PHC2: variants seen among roughly 807,000 people sequenced by gnomAD.
PHC2 encodes polyhomeotic homolog 2.
A neutral mutation model predicts 87.4 loss-of-function variants in PHC2; 29 were observed. That is an observed-to-expected ratio of 0.33 (90% CI 0.25 to 0.45). The LOEUF (loss-of-function observed/expected upper bound fraction) is 0.45. PHC2 is among the 20% of genes least tolerant of loss of function. The pLI is 1.00. For synonymous variants in PHC2, 438 were observed against 461.7 expected (o/e 0.95, Z 0.66); for missense variants, 857 against 1,136.7 (o/e 0.75, Z 3.54).
At chr1:33,366,662 G>A (rs139039445) in intron 7 of PHC2, among the ~76,000 whole-genome samples, 1 of 152,302 alleles carries the variant, frequency 6.6e-6, no homozygotes, top group African/African-American at 2.4e-5. Context: ...AACATGATTG[G>A]CAAATACTAA....
At chr1:33,355,975 C>T (rs1219890206) in intron 7 of PHC2, among the ~76,000 whole-genome samples, 1 of 152,152 alleles carries the variant, frequency 6.6e-6, no homozygotes, top group Non-Finnish European at 1.5e-5. Flanking sequence ...TGGTCATATT[C>T]AGTCATTTCT....
intron 9 of PHC2, among the ~76,000 whole-genome samples, chr1:33,352,353 T>C (rs1487011929): frequency 6.6e-6 from 1 of 152,190 alleles, no homozygotes; most frequent in Non-Finnish European, 1.5e-5. Flanking sequence ...AGAATTCAGA[T>C]AGAAAAGATT....
At chr1:33,357,612 C>T (rs1328475262) in intron 7 of PHC2, among the ~76,000 whole-genome samples, 1 of 152,120 alleles carries the variant, frequency 6.6e-6, no homozygotes, top group South Asian at 2.1e-4. Context: ...GATGGCGGAA[C>T]CTTTGTGGAA....
intron 9 of PHC2, chr1:33,335,368 G>T: frequency 1.0e-6 from 1 of 985,090 alleles, no homozygotes; most frequent in Non-Finnish European, 1.2e-6. Context: ...TCCTAAAAAA[G>T]AAAAGAAAAA....
chr1:33,365,866 C>T (rs1013427459), intron 7 of PHC2, among the ~76,000 whole-genome samples: 2 of 139,718 alleles, frequency 1.4e-5, no homozygotes, highest in African/African-American at 6.5e-5. Context: ...TGGGAACCTT[C>T]CCCACTCTGT....
chr1:33,416,584 G>GAAAAAAAAA (rs61591207), intron 1 of PHC2, among the ~76,000 whole-genome samples: 11 of 115,832 alleles, frequency 9.5e-5, no homozygotes, highest in South Asian at 2.8e-4. Flanking sequence ...TCAAAAAAAA[G>GAAAAAAAAA]AAAAAAAAAA....
chr1:33,399,826 G>C (rs1252067255), intron 1 of PHC2, among the ~76,000 whole-genome samples: 1 of 151,740 alleles, frequency 6.6e-6, no homozygotes, highest in Non-Finnish European at 1.5e-5. Flanking sequence ...AGGGTTGGGG[G>C]AGCTTTAAAA....
chr1:33,334,016 T>C lies in PHC2; in HGVS notation c.1761+74A>G. The C allele has an allele frequency of 7.5e-7, 1 of 1,328,722 alleles. No homozygotes were observed. Among genetic ancestry groups the C allele is most frequent in the Non-Finnish European group, 1.1e-6 (1 of 950,838 alleles). The allele number at this position is 1,328,722 out of a possible 1,614,324, so 82.3% of individuals were successfully genotyped here. On this transcript the variant is annotated intron_variant, in intron 10 of 14. Transcript: ENST00000683057. The surrounding 1 kb of genome is among the most constrained non-coding windows in gnomAD (Gnocchi z 5.5). ...TGTTCACATTTTCAGAAATTTTACA[T>C]GGAAATGTAAAAATATTCTAAGACA...
intron 4 of PHC2, among the ~76,000 whole-genome samples, 185 bp downstream of exon 4, chr1:33,370,832 A>G (rs967660126): frequency 6.6e-6 from 1 of 151,936 alleles, no homozygotes; most frequent in African/African-American, 2.4e-5. Context: ...CACTGGGAGG[A>G]TGACAGGGAG....
chr1:33,349,294 G>T lies in PHC2; in HGVS notation c.1558+5107C>A. On this transcript the variant is annotated intron_variant, in intron 9 of 14. Coordinates refer to ENST00000683057, the MANE Select transcript of PHC2 (RefSeq NM_001385109.1). The surrounding 1 kb of genome is among the most constrained non-coding windows in gnomAD (Gnocchi z 4.2). Reference sequence around the variant, plus strand: ...CGTCCCAGGGAAGTCGCAGCGGCGGGGAGGCCGGTCCTAGGTTGGGGCTGG... The same window carrying T: ...CGTCCCAGGGAAGTCGCAGCGGCGGTGAGGCCGGTCCTAGGTTGGGGCTGG... 3 of 985,448 alleles carry T rather than the reference G, an allele frequency of 3.0e-6. No homozygotes were observed. Among genetic ancestry groups the T allele is most frequent in the Non-Finnish European group, 3.6e-6 (3 of 829,954 alleles). The allele number at this position is 985,448 out of a possible 1,614,324, so 61.0% of individuals were successfully genotyped here. A position where few individuals can be genotyped will look rare whatever the true frequency, so the allele number is the denominator to read the frequency against.
intron 1 of PHC2, among the ~76,000 whole-genome samples, chr1:33,408,472 T>C (rs1184652084): frequency 6.6e-6 from 1 of 152,192 alleles, no homozygotes; most frequent in African/African-American, 2.4e-5. Flanking sequence ...TTGTTTGTTT[T>C]TGTTTTGAGA....
intron 7 of PHC2, among the ~76,000 whole-genome samples, chr1:33,355,802 C>G (rs910017129): frequency 2.0e-5 from 3 of 152,230 alleles, no homozygotes; most frequent in African/African-American, 7.2e-5. Flanking sequence ...TACTGGTTCC[C>G]TCTGTTATAT....
chr1:33,426,989 T>C (rs1159964450), intron 1 of PHC2, among the ~76,000 whole-genome samples: 1 of 152,178 alleles, frequency 6.6e-6, no homozygotes, highest in Non-Finnish European at 1.5e-5. Flanking sequence ...CACAGGGCCC[T>C]GGGAGACTGC....
At chr1:33,337,329 C>G (rs1294781817) in intron 9 of PHC2, among the ~76,000 whole-genome samples, 1 of 152,224 alleles carries the variant, frequency 6.6e-6, no homozygotes, top group Non-Finnish European at 1.5e-5. Context: ...CCACCTTGGA[C>G]GGCTCATTAG....
chr1:33,342,478 C>G (rs1646762552), intron 9 of PHC2, among the ~76,000 whole-genome samples: 1 of 152,198 alleles, frequency 6.6e-6, no homozygotes, highest in Non-Finnish European at 1.5e-5. Context: ...GCTGCCACCC[C>G]CAGCTATGCA....
chr1:33,377,700 GA>G (rs1648256573), intron 1 of PHC2, among the ~76,000 whole-genome samples: 1 of 151,736 alleles, frequency 6.6e-6, no homozygotes, highest in Non-Finnish European at 1.5e-5. Context: ...AATAGGTGAA[GA>G]AAATATAATT....
At chr1:33,366,118 G>C (rs1282622679) in intron 7 of PHC2, among the ~76,000 whole-genome samples, 1 of 152,232 alleles carries the variant, frequency 6.6e-6, no homozygotes, top group Non-Finnish European at 1.5e-5. Context: ...GATGTATTGA[G>C]ATATATTCTT....
intron 8 of PHC2, 133 bp from the exon 9 acceptor site, chr1:33,354,699 G>T: frequency 3.1e-6 from 4 of 1,296,784 alleles, no homozygotes; most frequent in East Asian, 4.9e-5. Context: ...ATTGGGGAAG[G>T]CCCTCTCTTC....
chr1:33,354,568 T>C lies in PHC2; in HGVS notation c.1393-2A>G, dbSNP rs1266611501. On this transcript the variant is annotated splice_acceptor_variant, in intron 8 of 14. Coordinates refer to ENST00000683057, the MANE Select transcript of PHC2 (RefSeq NM_001385109.1). LOFTEE classifies it high-confidence loss of function. Reference sequence around the variant, plus strand: ...GTCATCAGGGACACACTGCTGGGGCTGTCAAAGGACAGGACAGAGAGGGGG... The same window carrying C: ...GTCATCAGGGACACACTGCTGGGGCCGTCAAAGGACAGGACAGAGAGGGGG... The C allele has an allele frequency of 6.2e-7, 1 of 1,612,280 alleles. No homozygotes were observed. Among genetic ancestry groups the C allele is most frequent in the Admixed American group, 1.7e-5 (1 of 59,820 alleles).
Sources: allele counts gnomAD v4.1 joint callset (sites outside exome capture counted in the v4.1 genomes callset), GRCh38; gene constraint gnomAD v4.1.1; non-coding constraint Gnocchi (gnomAD v3.1); transcripts MANE v1.5; gene names NCBI Gene and HGNC (gene_info 2026-07-23, HGNC 2026-07-21).